ALCAM: variants seen among roughly 807,000 people sequenced by gnomAD.
The protein encoded by ALCAM is CD166 antigen.
Under a neutral mutation model 70.9 loss-of-function variants are expected in ALCAM, and 30 were observed. The ratio of observed to expected loss-of-function variants is 0.42; its 90% CI spans 0.32 to 0.57. The LOEUF is 0.57. ALCAM is among the 20% of genes least tolerant of loss of function. The pLI is 0.11. For synonymous variants in ALCAM, 249 were observed against 242.5 expected, an observed-to-expected ratio of 1.03 and a Z score of -0.25; for missense variants, 591 against 695.1, an observed-to-expected ratio of 0.85 and a Z score of 1.68.
intron 1 of ALCAM, among the ~76,000 whole-genome samples, chr3:105,394,760 TG>T (rs1041238369): frequency 5.3e-5 from 8 of 151,950 alleles, no homozygotes; most frequent in Non-Finnish European, 1.2e-4. Context: ...GGCAGAAAGG[TG>T]GTTTCTTTTT....
At chr3:105,389,818 T>C (rs976563641) in intron 1 of ALCAM, among the ~76,000 whole-genome samples, 2 of 151,646 alleles carry the variant, frequency 1.3e-5, no homozygotes, top group African/African-American at 4.8e-5. Flanking sequence ...CTCCCACTTT[T>C]AAGTAAGAAC....
At chr3:105,471,234 T>C (rs1348574648) in intron 1 of ALCAM, among the ~76,000 whole-genome samples, 1 of 151,434 alleles carries the variant, frequency 6.6e-6, no homozygotes, top group African/African-American at 2.4e-5. Context: ...TATTGTTCAG[T>C]AACTAAATAG....
intron 8 of ALCAM, among the ~76,000 whole-genome samples, chr3:105,543,042 T>A (rs1257973970): frequency 6.6e-6 from 1 of 151,738 alleles, no homozygotes; most frequent in Non-Finnish European, 1.5e-5. Context: ...AATAGCTAGC[T>A]CTCTATTATC....
chr3:105,557,048 T>A (rs769660345), intron 14 of ALCAM, among the ~76,000 whole-genome samples: 2 of 152,086 alleles, frequency 1.3e-5, no homozygotes, highest in Non-Finnish European at 2.9e-5. Flanking sequence ...CCATATAGTA[T>A]TTTCAAATCT....
intron 9 of ALCAM, among the ~76,000 whole-genome samples, 191 bp from the exon 10 acceptor site, chr3:105,546,958 A>T (rs1283511025): frequency 6.6e-6 from 1 of 151,522 alleles, no homozygotes; most frequent in Non-Finnish European, 1.5e-5. Flanking sequence ...GTGAAATAAA[A>T]ATCTGACATG....
At chr3:105,493,667 C>A (rs1382934994) in intron 1 of ALCAM, among the ~76,000 whole-genome samples, 1 of 152,152 alleles carries the variant, frequency 6.6e-6, no homozygotes, top group Non-Finnish European at 1.5e-5. Context: ...AAATTGGATT[C>A]TCCCATAGAG....
At chr3:105,475,277 G>C (rs1576187869) in intron 1 of ALCAM, among the ~76,000 whole-genome samples, 1 of 151,952 alleles carries the variant, frequency 6.6e-6, no homozygotes, top group East Asian at 1.9e-4. Flanking sequence ...ATTTTAAAAT[G>C]GTACAGATAA....
chr3:105,551,072 T>C (rs1347856572), intron 12 of ALCAM, among the ~76,000 whole-genome samples: 1 of 151,604 alleles, frequency 6.6e-6, no homozygotes, highest in Admixed American at 6.6e-5. Flanking sequence ...GTTGGAAACC[T>C]GTATATGACA....
At chr3:105,506,225 A>T (rs1939073698) in intron 1 of ALCAM, among the ~76,000 whole-genome samples, 1 of 152,204 alleles carries the variant, frequency 6.6e-6, no homozygotes, top group African/African-American at 2.4e-5. Context: ...AATTCACAAA[A>T]CATAAAGAAA....
intron 1 of ALCAM, among the ~76,000 whole-genome samples, chr3:105,505,816 A>G (rs115272684): frequency 0.015 from 2,274 of 152,326 alleles, 24 homozygotes; most frequent in Middle Eastern, 0.041. Flanking sequence ...ATAAAGATAT[A>G]ACCTACACTA....
At chr3:105,518,207 C>T (rs1939432436) in intron 1 of ALCAM, among the ~76,000 whole-genome samples, 1 of 152,030 alleles carries the variant, frequency 6.6e-6, no homozygotes, top group East Asian at 1.9e-4. Flanking sequence ...CATGAAAACA[C>T]TGTTAGTTGC....
intron 2 of ALCAM, among the ~76,000 whole-genome samples, chr3:105,522,995 C>T (rs1168888288): frequency 6.6e-6 from 1 of 151,960 alleles, no homozygotes; most frequent in Non-Finnish European, 1.5e-5. Context: ...AAAAAATTAG[C>T]CAGGCGTGGT....
intron 1 of ALCAM, among the ~76,000 whole-genome samples, chr3:105,491,470 A>T (rs1165504259): frequency 6.6e-6 from 1 of 152,116 alleles, no homozygotes; most frequent in Non-Finnish European, 1.5e-5. Context: ...CAGGCTGCAA[A>T]TTTTTCAAAC....
intron 1 of ALCAM, among the ~76,000 whole-genome samples, chr3:105,384,629 A>G (rs1457632206): frequency 6.6e-6 from 1 of 151,554 alleles, no homozygotes; most frequent in African/African-American, 2.4e-5. Context: ...ATTATTAAAA[A>G]TACTTGTCCA....
At chr3:105,538,554 G>C (rs1940029238) in intron 6 of ALCAM, among the ~76,000 whole-genome samples, 1 of 152,098 alleles carries the variant, frequency 6.6e-6, no homozygotes, top group African/African-American at 2.4e-5. Context: ...GAGAAGGGGA[G>C]TTTTAAAATA....
chr3:105,377,636 T>G (rs997802499), intron 1 of ALCAM, among the ~76,000 whole-genome samples: 3 of 152,056 alleles, frequency 2.0e-5, no homozygotes, highest in African/African-American at 7.2e-5. Flanking sequence ...GTGCCTAACT[T>G]TATTATACAT....
At chr3:105,394,235 G>T (rs550676247) in intron 1 of ALCAM, among the ~76,000 whole-genome samples, 3 of 151,804 alleles carry the variant, frequency 2.0e-5, no homozygotes, top group South Asian at 2.1e-4. Context: ...TGTTTACTTC[G>T]CATTTTACTT....
chr3:105,459,387 C>T (rs1233169014), intron 1 of ALCAM, among the ~76,000 whole-genome samples: 1 of 151,988 alleles, frequency 6.6e-6, no homozygotes, highest in Non-Finnish European at 1.5e-5. Context: ...TGTGTCCTTG[C>T]ATTATTTTTT....
intron 1 of ALCAM, among the ~76,000 whole-genome samples, chr3:105,495,479 C>G (rs1314950817): frequency 6.6e-6 from 1 of 151,212 alleles, no homozygotes; most frequent in Non-Finnish European, 1.5e-5. Flanking sequence ...TGGGTATAGA[C>G]AGAAAGAGAA....
Sources: allele counts gnomAD v4.1 joint callset (sites outside exome capture counted in the v4.1 genomes callset), GRCh38; gene constraint gnomAD v4.1.1; transcripts MANE v1.5; gene names NCBI Gene and HGNC (gene_info 2026-07-23, HGNC 2026-07-21).